GML: variants seen among roughly 807,000 people sequenced by gnomAD.
GML encodes the protein glycosyl-phosphatidylinositol-anchored molecule-like protein.
Under a neutral mutation model 8.2 loss-of-function variants are expected in GML, and 5 were observed. The observed-to-expected ratio is 0.61, with a 90% CI of 0.32 to 1.28. The LOEUF (loss-of-function observed/expected upper bound fraction) is 1.28. Ranked by LOEUF, GML falls within the 50% of genes most tolerant of loss-of-function variation. GML has a pLI of 0.06. For missense variants in GML, 191 were observed against 198.3 expected (o/e 0.96, Z 0.22); for synonymous variants, 72 against 69.0 (o/e 1.04, Z -0.22).
At chr8:142,839,508 C>A (rs75991734) in intron 1 of GML, among the ~76,000 whole-genome samples, 1 of 152,038 alleles carries the variant, frequency 6.6e-6, no homozygotes, top group Non-Finnish European at 1.5e-5. Context: ...GGGAGCTACA[C>A]ATCAGGCTCT....
chr8:142,845,900 C>T (rs1816498456), intron 3 of GML, among the ~76,000 whole-genome samples: 1 of 152,188 alleles, frequency 6.6e-6, no homozygotes, highest in Non-Finnish European at 1.5e-5. Context: ...ACTGAAACAC[C>T]AGGCTGAGGG....
At position 142,846,724 on chromosome 8, in the gene GML, C is replaced by A; in HGVS notation, c.*34C>A. ...CCTTGGAGGGTCTGACCATCTTCAC[C>A]TGTTCCGCAGAGAAATGTTGCTCTC... On this transcript the variant is annotated 3_prime_UTR_variant, in exon 4 of 4. Transcript: ENST00000220940. The A allele has an allele frequency of 6.7e-7, 1 of 1,496,998 alleles. No individual in the cohort carries two copies. Among genetic ancestry groups the A allele is most frequent in the South Asian group, 1.2e-5 (1 of 85,618 alleles). The allele number at this position is 1,496,998 out of a possible 1,614,324, so 92.7% of individuals were successfully genotyped here.
chr8:142,846,544 A>G lies in GML; in HGVS notation c.331A>G (p.Asn111Asp). 3 of 1,614,158 alleles carry G rather than the reference A, an allele frequency of 1.9e-6. No homozygotes were observed. The highest frequency in any genetic ancestry group is 2.5e-6 in the Non-Finnish European group (3 of 1,179,978). The part of the protein sequence containing the change: ...WVCCCNSMVC[N>D]AGGPTNLERD... ...TTGTTGTTGTAATAGCATGGTTTGC[A>G]ATGCAGGAGGACCTACTAATCTTGA... The change falls in exon 4 of 4, where the codon AAT becomes GAT. Residue 111 changes from asparagine (N) to aspartate (D), a missense_variant. Physicochemically the swap from Asn to Asp is conservative, Grantham distance 23. Coordinates refer to ENST00000220940, the MANE Select transcript of GML (RefSeq NM_002066.3).
At chr8:142,834,989 G>C (rs970615566) in intron 1 of GML, 121 bp downstream of exon 1, 6 of 152,466 alleles carry the variant, frequency 3.9e-5, no homozygotes, top group African/African-American at 1.4e-4. Flanking sequence ...GGTGCGCCGC[G>C]CTTCCCTGGA....
intron 1 of GML, among the ~76,000 whole-genome samples, chr8:142,836,068 A>G (rs1475793973): frequency 6.6e-6 from 1 of 152,224 alleles, no homozygotes; most frequent in Non-Finnish European, 1.5e-5. Flanking sequence ...TTTGTGATAA[A>G]CTGGTAATAG....
At chr8:142,843,255 TACAC>T (rs55778635) in intron 3 of GML, among the ~76,000 whole-genome samples, 13,065 of 139,980 alleles carry the variant, frequency 0.093, 660 homozygotes, top group Middle Eastern at 0.18. Flanking sequence ...AAAAGGTTCA[TACAC>T]ACACACACAC....
chr8:142,846,565 C>A lies in GML; in HGVS notation c.352C>A (p.Leu118Ile). 2 of 1,613,862 alleles carry A rather than the reference C, an allele frequency of 1.2e-6. No homozygotes were observed. Among genetic ancestry groups the A allele is most frequent in the Non-Finnish European group, 1.7e-6 (2 of 1,179,740 alleles). ...MVCNAGGPTNLERDMLPDEVT... is the reference protein window; with the variant it reads ...MVCNAGGPTNIERDMLPDEVT... ...TTGCAATGCAGGAGGACCTACTAAT[C>A]TTGAAAGGGACATGTTACCCGATGA... The change falls in exon 4 of 4, where the codon CTT becomes ATT. Residue 118 changes from leucine (L) to isoleucine (I), a missense_variant. Physicochemically the swap from Leu to Ile is conservative, Grantham distance 5. Coordinates refer to ENST00000220940, the MANE Select transcript of GML (RefSeq NM_002066.3).
intron 2 of GML, 99 bp from the exon 3 acceptor site, chr8:142,841,019 G>A (rs1317992491): frequency 2.8e-6 from 2 of 719,824 alleles, no homozygotes; most frequent in Admixed American, 1.9e-5. Flanking sequence ...TGGAAGCAGA[G>A]GGGAAGGGCT....
At chr8:142,835,283 G>GT (rs372346734) in intron 1 of GML, among the ~76,000 whole-genome samples, 91,913 of 151,532 alleles carry the variant, frequency 0.61, 28,300 homozygotes, top group East Asian at 0.85. Flanking sequence ...CTTCCCTGGG[G>GT]CCCCCCTCCC....
intron 3 of GML, 26 bp from the exon 4 acceptor site, chr8:142,846,367 TTA>T (rs1192948327): frequency 6.7e-7 from 1 of 1,485,532 alleles, no homozygotes; most frequent in African/African-American, 1.4e-5. Flanking sequence ...GTGAAATCAA[TTA>T]TTTTCATTGC....
At position 142,841,143 on chromosome 8, in the gene GML, C is replaced by T; in HGVS notation, c.99C>T (p.Asp33=). 1 of 1,573,856 alleles carries T rather than the reference C, an allele frequency of 6.4e-7. No individual in the cohort carries two copies. Among genetic ancestry groups the T allele is most frequent in the Non-Finnish European group, 8.7e-7 (1 of 1,143,326 alleles). ...GGACTTACAGTTTGAGATGCCATGA[C>T]TGTGCGGTCATAAATGACTTCAACT... ...AQWTYSLRCH[D]CAVINDFNCP... The change falls in exon 3 of 4, where the codon GAC becomes GAT. Residue 33 remains aspartate (D), a synonymous_variant. Coordinates refer to ENST00000220940, the MANE Select transcript of GML (RefSeq NM_002066.3).
intron 1 of GML, among the ~76,000 whole-genome samples, chr8:142,838,151 C>T (rs1156490127): frequency 1.3e-5 from 2 of 150,296 alleles, no homozygotes; most frequent in Non-Finnish European, 3.0e-5. Context: ...ACTTTTAACT[C>T]TGTGGATTGA....
At chr8:142,836,021 T>C (rs1816337664) in intron 1 of GML, among the ~76,000 whole-genome samples, 1 of 152,276 alleles carries the variant, frequency 6.6e-6, no homozygotes, top group Non-Finnish European at 1.5e-5. Context: ...ATTTGCCCCA[T>C]GCATCTCTTC....
Position 142,836,136 on chromosome 8 carries a change from G to A in GML, c.-23+1268G>A, listed in dbSNP as rs985744244. ...GTTCTAGCAAATTATCTAGGAGGAGGTGGTCTTGGAAACCCTTGATTTATA... is the reference window on the plus strand; with the variant it reads ...GTTCTAGCAAATTATCTAGGAGGAGATGGTCTTGGAAACCCTTGATTTATA... On this transcript the variant is annotated intron_variant, in intron 1 of 3. Transcript: ENST00000220940. 5.9e-5 allele frequency among the ~76,000 whole-genome samples: 9 copies of A among 152,198 alleles called. No homozygotes were observed. The South Asian group carries it at 6.2e-4, about 11-fold the overall frequency.
chr8:142,846,657 T>G lies in GML; in HGVS notation c.444T>G (p.Phe148Leu). ...RLGVSKLLLS[F>L]ASIIVSNILP ...GGGTATCAAAACTGTTGCTGAGTTT[T>G]GCCTCTATCATAGTCAGCAATATAT... The change falls in exon 4 of 4, where the codon TTT becomes TTG. Residue 148 changes from phenylalanine to leucine, a missense_variant. Coordinates refer to ENST00000220940, the MANE Select transcript of GML (RefSeq NM_002066.3). 1.2e-6 allele frequency: 2 copies of G among 1,614,096 alleles called. No individual in the cohort carries two copies. The highest frequency in any genetic ancestry group is 1.7e-6 in the Non-Finnish European group (2 of 1,179,944).
chr8:142,837,271 A>G (rs1315043691), intron 1 of GML, among the ~76,000 whole-genome samples: 1 of 152,116 alleles, frequency 6.6e-6, no homozygotes, highest in Admixed American at 6.5e-5. Flanking sequence ...TCCAACTCCA[A>G]CCTGCAGGAC....
chr8:142,836,470 TTTTCTC>T (rs1317298871), intron 1 of GML, among the ~76,000 whole-genome samples: 5 of 152,252 alleles, frequency 3.3e-5, no homozygotes, highest in Non-Finnish European at 5.9e-5. Flanking sequence ...TTAGTAATCT[TTTTCTC>T]TTTAATGCTC....
chr8:142,841,227 T>A lies in GML; in HGVS notation c.181+2T>A. ...GGCGCTGTATGACAATCTCCATTCGTAAGTACCTCTTTGTCATTTTGACAC... is the reference window on the plus strand; with the variant it reads ...GGCGCTGTATGACAATCTCCATTCGAAAGTACCTCTTTGTCATTTTGACAC... On this transcript the variant is annotated splice_donor_variant, in intron 3 of 3. Transcript: ENST00000220940. LOFTEE classifies it high-confidence loss of function. 7.5e-7 allele frequency: 1 copy of A among 1,336,574 alleles called. No individual in the cohort carries two copies. Among genetic ancestry groups the A allele is most frequent in the Non-Finnish European group, 1.1e-6 (1 of 927,840 alleles). 82.8% of individuals were successfully genotyped at this position (1,336,574 alleles called of 1,614,324 possible). A position where few individuals can be genotyped will look rare whatever the true frequency, so the allele number is the denominator to read the frequency against.
At chr8:142,840,617 G>A (rs1024935800) in intron 2 of GML, 107 bp downstream of exon 2, 8 of 787,652 alleles carry the variant, frequency 1.0e-5, no homozygotes, top group African/African-American at 1.0e-4. Flanking sequence ...TCCGTTAGCT[G>A]GGGCCTGCAT....
Sources: gnomAD v4.1 joint callset for allele counts (sites outside exome capture counted in the v4.1 genomes callset) on GRCh38, gnomAD v4.1.1 for gene constraint, MANE v1.5 for transcripts, NCBI Gene and HGNC (gene_info 2026-07-23, HGNC 2026-07-21) for gene names.